Variants in TMEFF2 observed in about 807,000 individuals in gnomAD.
The protein encoded by TMEFF2 is tomoregulin-2.
In TMEFF2, 28 loss-of-function variants were observed where a neutral mutation model predicts 53.8. The ratio of observed to expected loss-of-function variants is 0.52; its 90% CI spans 0.39 to 0.71. The LOEUF (loss-of-function observed/expected upper bound fraction) is 0.71, where lower values mean the gene tolerates loss of function less well. Among genes scored for constraint, TMEFF2 ranks in the 30% least tolerant of loss-of-function variants. The pLI, the probability that TMEFF2 is intolerant of heterozygous loss-of-function variation, is 0.00. For synonymous variants in TMEFF2, 162 were observed against 166.3 expected, an observed-to-expected ratio of 0.97 and a Z score of 0.20; for missense variants, 353 against 455.2, an observed-to-expected ratio of 0.78 and a Z score of 2.04.
intron 4 of TMEFF2, among the ~76,000 whole-genome samples, chr2:192,081,870 C>T (rs564737334): frequency 1.3e-3 from 188 of 147,054 alleles, no homozygotes; most frequent in African/African-American, 3.9e-3. Flanking sequence ...GGCGCGATCT[C>T]GGCTCCTGCA....
intron 5 of TMEFF2, among the ~76,000 whole-genome samples, chr2:192,013,424 A>G (rs1445265419): frequency 6.7e-6 from 1 of 149,778 alleles, no homozygotes; most frequent in African/African-American, 2.5e-5. Context: ...CACAGCACCT[A>G]TTTCCTCTCT....
At chr2:192,102,425 G>A (rs901945004) in intron 4 of TMEFF2, among the ~76,000 whole-genome samples, 5 of 151,902 alleles carry the variant, frequency 3.3e-5, no homozygotes, top group Non-Finnish European at 7.4e-5. Flanking sequence ...TCAACTCCAA[G>A]CCTATTTTCC....
chr2:192,066,830 TATATC>T (rs1230988091), intron 4 of TMEFF2, among the ~76,000 whole-genome samples: 8 of 151,852 alleles, frequency 5.3e-5, no homozygotes, highest in South Asian at 2.1e-4. Flanking sequence ...TTCATGAAAA[TATATC>T]ATATCAACTA....
intron 4 of TMEFF2, among the ~76,000 whole-genome samples, chr2:192,106,155 T>C (rs1245209299): frequency 6.6e-6 from 1 of 151,644 alleles, no homozygotes; most frequent in Non-Finnish European, 1.5e-5. Context: ...ATAGAAATTA[T>C]GGAGATAAGA....
chr2:192,189,260 C>T (rs368557658), intron 2 of TMEFF2, among the ~76,000 whole-genome samples: 1 of 151,902 alleles, frequency 6.6e-6, no homozygotes, highest in East Asian at 1.9e-4. Flanking sequence ...CTATAGATTG[C>T]AGGCTGGGTG....
At chr2:192,009,686 G>T (rs966131764) in intron 5 of TMEFF2, among the ~76,000 whole-genome samples, 2 of 151,826 alleles carry the variant, frequency 1.3e-5, no homozygotes, top group Non-Finnish European at 2.9e-5. Flanking sequence ...AAATATAATA[G>T]AAATATTTAT....
intron 4 of TMEFF2, among the ~76,000 whole-genome samples, chr2:192,084,670 G>A (rs755226218): frequency 4.6e-5 from 7 of 152,048 alleles, no homozygotes; most frequent in Non-Finnish European, 7.4e-5. Flanking sequence ...CTACATATAA[G>A]TGGTTGCTCT....
intron 4 of TMEFF2, among the ~76,000 whole-genome samples, chr2:192,170,366 C>G (rs764223889): frequency 6.6e-6 from 1 of 151,974 alleles, no homozygotes; most frequent in Non-Finnish European, 1.5e-5. Flanking sequence ...ATCTCAATGC[C>G]CACAAGAACA....
rs569601105 is a variant in TMEFF2 at position 192,066,928 on chromosome 2, T to A, written c.440-9153A>T. Among the ~76,000 whole-genome samples, 22 of 152,058 alleles carry A rather than the reference T, an allele frequency of 1.4e-4. No individual in the cohort carries two copies. The South Asian group carries it at 4.6e-3, about 31-fold the overall frequency. Reference sequence around the variant, plus strand: ...TATGCATATTCATATAAATGGTTTTTAATTTTTTCCTTATTTAATTCCTGA... The same window carrying A: ...TATGCATATTCATATAAATGGTTTTAAATTTTTTCCTTATTTAATTCCTGA... On this transcript the variant is annotated intron_variant, in intron 4 of 9. Transcript: ENST00000272771.
intron 4 of TMEFF2, among the ~76,000 whole-genome samples, chr2:192,165,745 A>T (rs1386757684): frequency 4.4e-5 from 2 of 45,020 alleles, no homozygotes; most frequent in Non-Finnish European, 7.8e-5. Flanking sequence ...TCTCCGAGGT[A>T]AAAAAAAAAA....
chr2:192,037,771 T>G (rs1386726456), intron 5 of TMEFF2: 1 of 152,224 alleles, frequency 6.6e-6, no homozygotes, highest in Non-Finnish European at 1.5e-5. Context: ...CATGCACTTT[T>G]CTAACTCTTC....
intron 7 of TMEFF2, among the ~76,000 whole-genome samples, chr2:191,958,605 G>C (rs1404911564): frequency 6.6e-6 from 1 of 152,196 alleles, no homozygotes; most frequent in African/African-American, 2.4e-5. Context: ...TTGTCTGAAT[G>C]AGGCTGCTGC....
chr2:192,002,034 ATTAT>A (rs1163521419), intron 5 of TMEFF2, among the ~76,000 whole-genome samples: 31 of 150,886 alleles, frequency 2.1e-4, no homozygotes, highest in African/African-American at 7.1e-4. Context: ...TTATTTATTT[ATTAT>A]TTTTCAGTTT....
intron 7 of TMEFF2, among the ~76,000 whole-genome samples, chr2:191,995,213 T>C (rs1208299546): frequency 6.6e-6 from 1 of 151,988 alleles, no homozygotes; most frequent in African/African-American, 2.4e-5. Flanking sequence ...ATACAATTAA[T>C]TTATTTTAAG....
rs112135470 is a variant in TMEFF2 at position 192,002,038 on chromosome 2, T to TTTATTA, written c.537-2831_537-2830insTAATAA. Among the ~76,000 whole-genome samples, 215 of 148,254 alleles carry TTTATTA rather than the reference T, an allele frequency of 1.5e-3. 3 individuals carry two copies. The highest frequency in any genetic ancestry group is 4.0e-3 in the African/African-American group (164 of 40,520). On this transcript the variant is annotated intron_variant, in intron 5 of 9. Transcript: ENST00000272771. The stretch of plus-strand genomic sequence containing the variant: ...TATTTATTTATTTATTTATTTATTA[T>TTTATTA]TTTTCAGTTTGACTAATCTGATTTT...
intron 9 of TMEFF2, among the ~76,000 whole-genome samples, chr2:191,951,601 A>G (rs1338277283): frequency 6.6e-6 from 1 of 151,976 alleles, no homozygotes; most frequent in Admixed American, 6.6e-5. Context: ...TTGACAGACA[A>G]ATGTGGCCAG....
chr2:192,064,586 G>T (rs1688125210), intron 4 of TMEFF2, among the ~76,000 whole-genome samples: 1 of 151,782 alleles, frequency 6.6e-6, no homozygotes, highest in Admixed American at 6.6e-5. Context: ...ACAGTAGATT[G>T]TATCATTTCC....
chr2:191,982,605 G>A (rs1685879999), intron 7 of TMEFF2, among the ~76,000 whole-genome samples: 1 of 151,846 alleles, frequency 6.6e-6, no homozygotes, highest in Non-Finnish European at 1.5e-5. Flanking sequence ...TGACACCAGT[G>A]AACAATTTGA....
chr2:191,954,996 T>C (rs1692021350), intron 8 of TMEFF2, among the ~76,000 whole-genome samples: 1 of 152,048 alleles, frequency 6.6e-6, no homozygotes, highest in African/African-American at 2.4e-5. Context: ...AAGGGTTTAA[T>C]AATAATGACA....
Sources: allele counts gnomAD v4.1 joint callset (sites outside exome capture counted in the v4.1 genomes callset), GRCh38; gene constraint gnomAD v4.1.1; transcripts MANE v1.5; gene names NCBI Gene and HGNC (gene_info 2026-07-23, HGNC 2026-07-21).